The following PDE4D variants were observed in gnomAD, a reference collection of about 807,000 sequenced individuals.
PDE4D encodes 3',5'-cyclic-AMP phosphodiesterase 4D.
PDE4D carries 24 observed loss-of-function variants against 87.4 expected under a neutral mutation model. The observed-to-expected ratio is 0.27, with a 90% confidence interval of 0.20 to 0.39. The LOEUF is 0.39. Ranked by LOEUF, PDE4D falls within the 10% of genes least tolerant of loss-of-function variation. The pLI is 1.00. For synonymous variants in PDE4D, 384 were observed against 383.2 expected (o/e 1.00, Z -0.02); for missense variants, 714 against 1,041.0 (o/e 0.69, Z 4.32).
At chr5:59,824,392 A>G (rs1222006705) in intron 1 of PDE4D, among the ~76,000 whole-genome samples, 1 of 152,178 alleles carries the variant, frequency 6.6e-6, no homozygotes, top group East Asian at 1.9e-4. Flanking sequence ...GTGAAGCTCT[A>G]GAATGTAACC....
chr5:58,993,018 A>G (rs1247148347), intron 7 of PDE4D, among the ~76,000 whole-genome samples: 1 of 152,178 alleles, frequency 6.6e-6, no homozygotes, highest in African/African-American at 2.4e-5. Context: ...CTAATTTATC[A>G]TTAAACACCT....
chr5:59,193,803 T>C (rs978288160), intron 2 of PDE4D: 243 of 985,130 alleles, frequency 2.5e-4, no homozygotes, highest in Non-Finnish European at 2.7e-4. Flanking sequence ...ACACAGGATA[T>C]GCAATAGTAG....
intron 3 of PDE4D, among the ~76,000 whole-genome samples, chr5:59,904,641 A>T (rs1752632151): frequency 6.6e-6 from 1 of 152,146 alleles, no homozygotes; most frequent in Admixed American, 6.6e-5. Context: ...TCTGAAGTAA[A>T]TAAGACTTCA....
At chr5:59,476,650 G>C (rs1343850186) in intron 1 of PDE4D, among the ~76,000 whole-genome samples, 1 of 151,936 alleles carries the variant, frequency 6.6e-6, no homozygotes, top group Non-Finnish European at 1.5e-5. Context: ...ACACAATCTT[G>C]CATAAAGTAA....
intron 1 of PDE4D, among the ~76,000 whole-genome samples, chr5:59,885,936 T>A (rs1750084834): frequency 6.6e-6 from 1 of 152,208 alleles, no homozygotes; most frequent in East Asian, 1.9e-4. Flanking sequence ...AACATGAATA[T>A]GTGTCTATTT....
intron 1 of PDE4D, among the ~76,000 whole-genome samples, chr5:59,784,850 T>C (rs1021837170): frequency 3.9e-5 from 6 of 152,110 alleles, no homozygotes; most frequent in Admixed American, 2.6e-4. Flanking sequence ...GTTCTCATGG[T>C]AGTGAATAAG....
intron 1 of PDE4D, among the ~76,000 whole-genome samples, chr5:59,617,816 A>G (rs1191382431): frequency 6.6e-6 from 1 of 152,104 alleles, no homozygotes; most frequent in African/African-American, 2.4e-5. Context: ...TGTTTCTAGT[A>G]CTTTGTTTCA....
chr5:60,214,575 T>A (rs1275338332), intron 1 of PDE4D, among the ~76,000 whole-genome samples: 1 of 152,100 alleles, frequency 6.6e-6, no homozygotes, highest in Admixed American at 6.6e-5. Flanking sequence ...GAAGAAGAAT[T>A]AAAGATTACT....
intron 1 of PDE4D, among the ~76,000 whole-genome samples, chr5:60,328,459 T>G (rs1375246742): frequency 6.6e-6 from 1 of 151,440 alleles, no homozygotes; most frequent in Non-Finnish European, 1.5e-5. Flanking sequence ...GTTTATTATA[T>G]TCATCTATAT....
intron 1 of PDE4D, among the ~76,000 whole-genome samples, 155 bp downstream of exon 1, chr5:59,893,013 G>A (rs1751185031): frequency 6.6e-6 from 1 of 151,828 alleles, no homozygotes; most frequent in South Asian, 2.1e-4. Context: ...TCTCAATAAA[G>A]GATAGGCACA....
chr5:60,416,116 T>G (rs1175891510), intron 1 of PDE4D, among the ~76,000 whole-genome samples: 5 of 152,084 alleles, frequency 3.3e-5, no homozygotes, highest in Admixed American at 2.0e-4. Flanking sequence ...ACACTCTGTA[T>G]CTAGCTAATC....
chr5:59,797,321 T>G (rs1186887710), intron 1 of PDE4D, among the ~76,000 whole-genome samples: 1 of 152,188 alleles, frequency 6.6e-6, no homozygotes, highest in Non-Finnish European at 1.5e-5. Context: ...ATGTACTGAA[T>G]GTTGTTGGCT....
chr5:60,059,189 T>A (rs1771131560), intron 2 of PDE4D, among the ~76,000 whole-genome samples: 2 of 151,880 alleles, frequency 1.3e-5, no homozygotes, highest in African/African-American at 2.4e-5. Context: ...GAGAACTAAG[T>A]TTTAAGCTGT....
chr5:59,468,518 G>A (rs1440324977), intron 1 of PDE4D, among the ~76,000 whole-genome samples: 1 of 152,140 alleles, frequency 6.6e-6, no homozygotes, highest in African/African-American at 2.4e-5. Context: ...CCAAAGTGGG[G>A]ATGAAAACAC....
intron 1 of PDE4D, among the ~76,000 whole-genome samples, chr5:60,444,123 T>TC (rs1229019733): frequency 6.6e-6 from 1 of 152,162 alleles, no homozygotes; most frequent in East Asian, 1.9e-4. Context: ...AAAAGCGCCT[T>TC]CATTTAAGGA....
chr5:59,860,602 A>G (rs1448998560), intron 1 of PDE4D, among the ~76,000 whole-genome samples: 1 of 152,216 alleles, frequency 6.6e-6, no homozygotes, highest in Non-Finnish European at 1.5e-5. Context: ...AAATCCTAAA[A>G]GACCACATTC....
rs1466161371 is a variant in PDE4D at position 59,462,141 on chromosome 5, GTTC to G, written c.456-246176_456-246174del. ...CAAAGCAGTGATTTTATAATCAATT[GTTC>G]TTCTTCTAAATGTGAAGAAAACACT... On this transcript the variant is annotated intron_variant, in intron 1 of 14. Coordinates refer to ENST00000340635, the MANE Select transcript of PDE4D (RefSeq NM_001104631.2). Among the ~76,000 whole-genome samples the G allele has an allele frequency of 7.9e-5, 12 of 152,044 alleles. 1 individual carries two copies. Among genetic ancestry groups the G allele is most frequent in the South Asian group, 4.1e-4 (2 of 4,824 alleles).
At chr5:60,116,612 G>A (rs1778191867) in intron 2 of PDE4D, among the ~76,000 whole-genome samples, 2 of 151,956 alleles carry the variant, frequency 1.3e-5, no homozygotes, top group African/African-American at 4.8e-5. Context: ...TTATTTATGG[G>A]AAAATAATTG....
intron 1 of PDE4D, among the ~76,000 whole-genome samples, chr5:59,787,700 A>G (rs1240138379): frequency 1.3e-5 from 2 of 152,196 alleles, no homozygotes; most frequent in Non-Finnish European, 2.9e-5. Context: ...GATTACTAGA[A>G]AATATACCAA....
Sources: allele counts gnomAD v4.1 joint callset (sites outside exome capture counted in the v4.1 genomes callset), GRCh38; gene constraint gnomAD v4.1.1; transcripts MANE v1.5; gene names NCBI Gene and HGNC (gene_info 2026-07-23, HGNC 2026-07-21).